Variants in DDX11 observed in about 807,000 individuals in gnomAD.
DDX11 encodes the protein ATP-dependent DNA helicase DDX11.
DDX11 carries 72 observed loss-of-function variants against 125.2 expected under a neutral mutation model. The ratio of observed to expected loss-of-function variants is 0.58; its 90% confidence interval spans 0.48 to 0.70. DDX11 has a LOEUF of 0.70. Among genes scored for constraint, DDX11 ranks in the 30% least tolerant of loss-of-function variants. The probability of loss-of-function intolerance (pLI) is 0.00; values close to 1 mark genes in which losing one functional copy is unlikely to be tolerated. For missense variants in DDX11, 883 were observed against 1,165.0 expected (o/e 0.76, Z 3.52); for synonymous variants, 347 against 452.6 (o/e 0.77, Z 2.96).
At position 31,078,548 on chromosome 12, in the gene DDX11, A is replaced by G; in HGVS notation, c.144+11A>G. On this transcript the variant is annotated intron_variant, in intron 2 of 26. Coordinates refer to ENST00000542838, the MANE Select transcript of DDX11 (RefSeq NM_030653.4). ...AGTCCAACTGGCACTGTGAGTATGA[A>G]CAGTGAGAGATACTGAAAAGGACAA... 6.2e-7 allele frequency: 1 copy of G among 1,611,882 alleles called. No individual in the cohort carries two copies. The highest frequency in any genetic ancestry group is 8.5e-7 in the Non-Finnish European group (1 of 1,179,774).
rs749601343 is a variant in DDX11 at position 31,091,840 on chromosome 12, G to A, written c.1211G>A (p.Gly404Asp). The A allele has an allele frequency of 4.3e-6, 7 of 1,613,894 alleles. No individual in the cohort carries two copies. The East Asian group carries it at 1.6e-4, about 36-fold the overall frequency. Residue 404 changes from glycine (G) to aspartate (D), a missense_variant, in exon 10 of 27, where the codon GGC becomes GAC. This residue lies in a region of DDX11 where 72 missense variants were observed against 159.7 expected (regional missense o/e 0.45). Coordinates refer to ENST00000542838, the MANE Select transcript of DDX11 (RefSeq NM_030653.4). ...CACAACCTGATCGACACCATCACGG[G>A]CATGCACAGCGTGGAGGTCAGCGGC... is the stretch of plus-strand genomic sequence containing the variant. Reference protein sequence around the residue: ...EAHNLIDTITGMHSVEVSGSQ... With the variant: ...EAHNLIDTITDMHSVEVSGSQ...
In DDX11 at chr12:31,096,644, G is replaced by C. The variant is rs561628163; in HGVS notation, c.1529G>C (p.Gly510Ala). 22 of 1,613,406 alleles carry C rather than the reference G, an allele frequency of 1.4e-5. No homozygotes were observed. The African/African-American group carries it at 2.5e-4, about 19-fold the overall frequency. ...CTCTCTCATCCCACCCAGCTCTTTGGATTCACTGAACGGTACGGAGCAGTG... is the reference window on the plus strand; with the variant it reads ...CTCTCTCATCCCACCCAGCTCTTTGCATTCACTGAACGGTACGGAGCAGTG... The part of the protein sequence containing the change: ...EKSMISRKLF[G>A]FTERYGAVFS... Residue 510 changes from glycine (G) to alanine (A), a missense_variant, in exon 16 of 27, where the codon GGA becomes GCA. By Grantham distance (60) the Gly-to-Ala change is moderately conservative. Coordinates refer to ENST00000542838, the MANE Select transcript of DDX11 (RefSeq NM_030653.4).
rs563791917 is a variant in DDX11 at position 31,099,005 on chromosome 12, G to A, written c.1875+1008G>A. On this transcript the variant is annotated intron_variant, in intron 18 of 26. Coordinates refer to ENST00000542838, the MANE Select transcript of DDX11 (RefSeq NM_030653.4). ...AGCTGTGGGTGCTAGGGTGTTTGTC[G>A]TGCTCCTGGGGCGTTTTGGTAGACA... Among the ~76,000 whole-genome samples, 8 of 151,390 alleles carry A rather than the reference G, an allele frequency of 5.3e-5. No homozygotes were observed. The South Asian group carries it at 8.3e-4, about 16-fold the overall frequency.
Position 31,084,418 on chromosome 12 carries a change from G to A in DDX11, c.394-165G>A, listed in dbSNP as rs573243488. ...CGCAGTGAGCAGCGAGGCTGGGACC[G>A]GCAGGGATGAGGTCCCGGGAGGGGA... On this transcript the variant is annotated intron_variant, in intron 3 of 26. Transcript: ENST00000542838. 1.4e-4 allele frequency among the ~76,000 whole-genome samples: 21 copies of A among 152,242 alleles called. No individual in the cohort carries two copies. In the South Asian group the frequency reaches 3.9e-3, roughly 29 times the overall value.
At chr12:31,102,124 CCCA>C (rs1358486439) in intron 21 of DDX11, 116 bp from the exon 22 acceptor site, 1 of 1,255,464 alleles carries the variant, frequency 8.0e-7, no homozygotes, top group Non-Finnish European at 1.1e-6. Flanking sequence ...GAGGATTTCC[CCCA>C]AAGTCCCTGG....
At chr12:31,079,135 G>C (rs900577110) in intron 2 of DDX11, among the ~76,000 whole-genome samples, 2 of 152,186 alleles carry the variant, frequency 1.3e-5, no homozygotes, top group African/African-American at 4.8e-5. Context: ...TTTAGTCTCT[G>C]CTGAGTGAAC....
At chr12:31,091,459 C>T (rs1224147925) in intron 9 of DDX11, 6 of 491,330 alleles carry the variant, frequency 1.2e-5, no homozygotes, top group Non-Finnish European at 1.9e-5. Flanking sequence ...ATGGACAAGG[C>T]TAAGCAGGGG....
chr12:31,103,159 C>T, intron 24 of DDX11, 139 bp downstream of exon 24: 1 of 1,314,574 alleles, frequency 7.6e-7, no homozygotes, highest in Non-Finnish European at 1.1e-6. Context: ...GGATGCCCCT[C>T]CACACCCTCT....
chr12:31,101,125 C>G lies in DDX11; in HGVS notation c.2047C>G (p.Gln683Glu). The change falls in exon 20 of 27, where the codon CAG (glutamine) becomes GAG (glutamate). Residue 683 changes from glutamine to glutamate, a missense_variant. Around this residue, in one of 5 missense-constraint regions of DDX11, gnomAD observed 285 missense variants for 346.0 expected, o/e 0.82. Transcript: ENST00000542838. ...CACGTTCCAGAAAAGAGAGCTGCCT[C>G]AGATGGTCAGTCCCAGCCAGCTCGC... The part of the protein sequence containing the change: ...EFTFQKRELP[Q>E]MMDEVGRILC... 6.2e-7 allele frequency: 1 copy of G among 1,614,098 alleles called. No individual in the cohort carries two copies. The highest frequency in any genetic ancestry group is 8.5e-7 in the Non-Finnish European group (1 of 1,179,918).
chr12:31,099,080 C>CTTTTT lies in DDX11; in HGVS notation c.1875+1086_1875+1087insTTTTT, dbSNP rs1467965765. Among the ~76,000 whole-genome samples the CTTTTT allele has an allele frequency of 8.8e-3, 712 of 81,040 alleles. 104 individuals are homozygous for CTTTTT. The highest frequency in any genetic ancestry group is 0.038 in the African/African-American group (592 of 15,644). The allele number at this position is 81,040 out of a possible 152,430, so 53.2% of individuals were successfully genotyped here. On this transcript the variant is annotated intron_variant, in intron 18 of 26. Transcript: ENST00000542838. ...AATCCATACTGGTATTTCTTTCTTT[C>CTTTTT]TTTCTTTTTTTTTTTTTTTTTTTTT...
intron 21 of DDX11, 86 bp downstream of exon 21, chr12:31,102,068 C>G (rs1331153552): frequency 6.4e-7 from 1 of 1,552,836 alleles, no homozygotes; most frequent in African/African-American, 1.4e-5. Context: ...CGGGTCAGGA[C>G]AGGCTTCTGG....
At chr12:31,103,507 G>A in intron 25 of DDX11, 70 bp from the exon 26 acceptor site, 1 of 1,610,904 alleles carries the variant, frequency 6.2e-7, no homozygotes. Flanking sequence ...AGGGGAGGGG[G>A]TCGCCGTGGG....
At chr12:31,100,924 C>T (rs1346406893) in intron 19 of DDX11, 103 bp from the exon 20 acceptor site, 18 of 1,214,464 alleles carry the variant, frequency 1.5e-5, no homozygotes, top group African/African-American at 3.0e-5. Context: ...CGCTGTCAGT[C>T]GCTGTTCCTG....
In DDX11 at chr12:31,089,090, A is replaced by G. The variant is rs1415164800; in HGVS notation, c.731A>G (p.His244Arg). 4 of 1,613,890 alleles carry G rather than the reference A, an allele frequency of 2.5e-6. No homozygotes were observed. The highest frequency in any genetic ancestry group is 1.3e-5 in the African/African-American group (1 of 74,938). ...RTHSQLAQFV[H>R]EVKKSPFGKD... ...CACTCCCAGCTGGCCCAGTTTGTGCATGAGGTGAAGAAGAGCCCCTTTGGC... is the reference window on the plus strand; with the variant it reads ...CACTCCCAGCTGGCCCAGTTTGTGCGTGAGGTGAAGAAGAGCCCCTTTGGC... The change falls in exon 7 of 27, where the codon CAT (histidine) becomes CGT (arginine). Residue 244 changes from histidine to arginine, a missense_variant. This residue lies in a region of DDX11 where 283 missense variants were observed against 359.6 expected (regional missense o/e 0.79). Transcript: ENST00000542838.
intron 14 of DDX11, among the ~76,000 whole-genome samples, chr12:31,095,130 G>A (rs570282675): frequency 6.6e-5 from 10 of 152,172 alleles, no homozygotes; most frequent in African/African-American, 1.7e-4. Context: ...GGAATAGGAC[G>A]TTGATTTGTT....
Position 31,104,276 on chromosome 12 carries a change from T to C in DDX11, c.*440T>C. ...GTTATAGCTGCCCTGGACTGCTCACTCTCTGGTCTCAATTTAAAATGATCC... is the reference window on the plus strand; with the variant it reads ...GTTATAGCTGCCCTGGACTGCTCACCCTCTGGTCTCAATTTAAAATGATCC... On this transcript the variant is annotated 3_prime_UTR_variant, in exon 27 of 27. Coordinates refer to ENST00000542838, the MANE Select transcript of DDX11 (RefSeq NM_030653.4). The C allele has an allele frequency of 1.7e-6, 1 of 600,204 alleles. No homozygotes were observed. The highest frequency in any genetic ancestry group is 2.3e-5 in the South Asian group (1 of 43,626). 37.2% of individuals were successfully genotyped at this position (600,204 alleles called of 1,614,324 possible).
intron 5 of DDX11, chr12:31,085,889 G>A: frequency 2.7e-6 from 1 of 372,408 alleles, no homozygotes; most frequent in South Asian, 2.0e-5. Context: ...TGGGGTGGGG[G>A]GCTGCACCTG....
intron 18 of DDX11, among the ~76,000 whole-genome samples, chr12:31,099,814 G>A (rs1946057881): frequency 6.6e-6 from 1 of 151,796 alleles, no homozygotes; most frequent in Admixed American, 6.6e-5. Flanking sequence ...ATTCAGGAAA[G>A]CCTCACTCTC....
In DDX11 at chr12:31,102,960, C is replaced by T; in HGVS notation, c.2397C>T (p.Pro799=). Residue 799 remains proline, a synonymous_variant, in exon 24 of 27, where the codon CCC becomes CCT. Coordinates refer to ENST00000542838, the MANE Select transcript of DDX11 (RefSeq NM_030653.4). ...GGTGTGTGGTGATGGTGGGCATGCC[C>T]TTCCCCAACATCAGGTCTGCAGAGC... ...LGRCVVMVGM[P]FPNIRSAELQ... 1.9e-6 allele frequency: 3 copies of T among 1,613,996 alleles called. No individual in the cohort carries two copies. The highest frequency in any genetic ancestry group is 2.5e-6 in the Non-Finnish European group (3 of 1,179,858).
Sources: gnomAD v4.1 joint callset for allele counts (sites outside exome capture counted in the v4.1 genomes callset) on GRCh38, gnomAD v4.1.1 for gene constraint, gnomAD v4.1.1 regional missense constraint, MANE v1.5 for transcripts, NCBI Gene and HGNC (gene_info 2026-07-23, HGNC 2026-07-21) for gene names.